Variants in PTPRD observed in about 807,000 individuals in gnomAD.
PTPRD encodes receptor-type tyrosine-protein phosphatase delta.
In PTPRD, 34 loss-of-function variants were observed where a neutral mutation model predicts 214.5. The ratio of observed to expected loss-of-function variants is 0.16; its 90% CI spans 0.12 to 0.21. The LOEUF is 0.21. PTPRD is among the 10% of genes least tolerant of loss of function. PTPRD has a pLI of 1.00. For synonymous variants in PTPRD, 1,128 were observed against 845.7 expected, an observed-to-expected ratio of 1.33 and a Z score of -5.79; for missense variants, 2,545 against 2,398.7, an observed-to-expected ratio of 1.06 and a Z score of -1.27.
chr9:9,877,572 G>T (rs1600629626), intron 5 of PTPRD, among the ~76,000 whole-genome samples: 1 of 152,256 alleles, frequency 6.6e-6, no homozygotes, highest in South Asian at 2.1e-4. Context: ...AATGTTTTCT[G>T]CTCCAAGACT....
At chr9:10,018,359 C>A (rs2096767812) in intron 4 of PTPRD, among the ~76,000 whole-genome samples, 1 of 152,000 alleles carries the variant, frequency 6.6e-6, no homozygotes, top group South Asian at 2.1e-4. Context: ...CAGACTTTCT[C>A]AGTGTATCTG....
At chr9:8,359,921 C>G (rs941456802) in intron 39 of PTPRD, among the ~76,000 whole-genome samples, 1 of 152,146 alleles carries the variant, frequency 6.6e-6, no homozygotes, top group African/African-American at 2.4e-5. Flanking sequence ...CAATTTAACT[C>G]AAGCTTTCCT....
chr9:8,926,178 T>C (rs1409157337), intron 11 of PTPRD, among the ~76,000 whole-genome samples: 2 of 152,062 alleles, frequency 1.3e-5, no homozygotes. Context: ...CTGACTGGAA[T>C]ACCTTTTCAT....
intron 44 of PTPRD, among the ~76,000 whole-genome samples, chr9:8,328,152 G>T (rs113501806): frequency 6.6e-6 from 1 of 152,130 alleles, no homozygotes; most frequent in African/African-American, 2.4e-5. Context: ...GCAGTGGCTG[G>T]TACCAGTTGT....
Position 10,411,420 on chromosome 9 carries a change from C to G in PTPRD, c.-599-70403G>C, listed in dbSNP as rs151015254. ...CTAAGTTCTTATCAATAATGTATAACTGAAACATGTTTAATTTCTCCTTCA... is the reference window on the plus strand; with the variant it reads ...CTAAGTTCTTATCAATAATGTATAAGTGAAACATGTTTAATTTCTCCTTCA... On this transcript the variant is annotated intron_variant, in intron 2 of 45. Transcript: ENST00000381196. 3.1e-3 allele frequency among the ~76,000 whole-genome samples: 476 copies of G among 151,822 alleles called. 4 individuals are homozygous for G. Among genetic ancestry groups the G allele is most frequent in the African/African-American group, 0.011 (451 of 41,486 alleles).
chr9:8,892,603 A>G (rs111769251), intron 11 of PTPRD, among the ~76,000 whole-genome samples: 12,026 of 148,912 alleles, frequency 0.081, 614 homozygotes, highest in Non-Finnish European at 0.11. Flanking sequence ...GTGTATATAT[A>G]TGTGTGTATA....
Position 8,484,232 on chromosome 9 carries a change from C to T in PTPRD, c.3300G>A (p.Thr1100=), listed in dbSNP as rs754865178. 1.1e-4 allele frequency: 182 copies of T among 1,614,094 alleles called. No homozygotes were observed. In the Admixed American group the frequency reaches 1.3e-3, roughly 12 times the overall value. ...GTAATACATCTGGTGCAGTCTTTGC[C>T]GTGACCCTGTGCTGCAGCCCACCAG... ...NSAGGLQHRV[T]AKTAPDVLRT... is the part of the protein sequence containing the mutation. The change falls in exon 30 of 46, where the codon ACG becomes ACA. Residue 1100 remains threonine, a synonymous_variant. Coordinates refer to ENST00000381196, the MANE Select transcript of PTPRD (RefSeq NM_002839.4).
At chr9:10,041,591 G>T (rs2097297827) in intron 3 of PTPRD, among the ~76,000 whole-genome samples, 1 of 151,548 alleles carries the variant, frequency 6.6e-6, no homozygotes, top group African/African-American at 2.4e-5. Flanking sequence ...TTATATTAGA[G>T]ACTTTACTAG....
At chr9:9,785,277 C>G (rs183789980) in intron 5 of PTPRD, among the ~76,000 whole-genome samples, 135 of 152,030 alleles carry the variant, frequency 8.9e-4, no homozygotes, top group African/African-American at 3.0e-3. Context: ...ACCAAAATTA[C>G]TGGGTGAAGC....
intron 2 of PTPRD, among the ~76,000 whole-genome samples, chr9:10,423,065 T>C (rs556165324): frequency 6.6e-6 from 1 of 152,090 alleles, no homozygotes; most frequent in Admixed American, 6.6e-5. Context: ...CAAATGTCCA[T>C]CAATGATAGA....
At chr9:10,453,802 C>T (rs1486729985) in intron 2 of PTPRD, among the ~76,000 whole-genome samples, 2 of 151,184 alleles carry the variant, frequency 1.3e-5, no homozygotes, top group African/African-American at 4.9e-5. Flanking sequence ...TTTGTTCTTG[C>T]CTAATTGTTG....
At chr9:10,444,537 G>A (rs903769510) in intron 2 of PTPRD, among the ~76,000 whole-genome samples, 4 of 151,700 alleles carry the variant, frequency 2.6e-5, no homozygotes, top group South Asian at 2.1e-4. Flanking sequence ...AGCAATCAAG[G>A]AAACACAGTG....
chr9:9,872,240 T>C lies in PTPRD; in HGVS notation c.-368+66267A>G, dbSNP rs74800223. Among the ~76,000 whole-genome samples the C allele has an allele frequency of 5.0e-3, 764 of 152,198 alleles. 21 individuals carry two copies. The highest frequency in any genetic ancestry group is 0.036 in the East Asian group (184 of 5,156). Reference sequence around the variant, plus strand: ...GCTCTGAAGGCAGCCAGCTTGCAAATTGAATTCCAGCCAGAATATATAGGA... The same window carrying C: ...GCTCTGAAGGCAGCCAGCTTGCAAACTGAATTCCAGCCAGAATATATAGGA... On this transcript the variant is annotated intron_variant, in intron 5 of 45. Transcript: ENST00000381196.
At chr9:8,387,514 G>A (rs1230230247) in intron 37 of PTPRD, among the ~76,000 whole-genome samples, 1 of 152,162 alleles carries the variant, frequency 6.6e-6, no homozygotes, top group Non-Finnish European at 1.5e-5. Flanking sequence ...ATGACTGCTT[G>A]TTACCAGCAG....
chr9:8,729,397 A>G (rs1479709105), intron 12 of PTPRD, among the ~76,000 whole-genome samples: 2 of 152,058 alleles, frequency 1.3e-5, no homozygotes, highest in East Asian at 3.9e-4. Flanking sequence ...ACTTGCTACA[A>G]GAAAACCTGG....
At chr9:9,842,501 A>T (rs559649950) in intron 5 of PTPRD, among the ~76,000 whole-genome samples, 3 of 151,920 alleles carry the variant, frequency 2.0e-5, no homozygotes, top group African/African-American at 4.8e-5. Context: ...GAAGAAAGAG[A>T]GTGTGGGAGG....
chr9:9,199,081 G>A (rs2099940361), intron 9 of PTPRD, among the ~76,000 whole-genome samples: 3 of 152,092 alleles, frequency 2.0e-5, no homozygotes, highest in Admixed American at 2.0e-4. Context: ...ATTGAAAGAC[G>A]GCTGAGAGCC....
At chr9:10,602,906 T>TCACTC (rs959634080) in intron 2 of PTPRD, among the ~76,000 whole-genome samples, 99 of 151,914 alleles carry the variant, frequency 6.5e-4, no homozygotes, top group African/African-American at 2.3e-3. Flanking sequence ...ATCCTAAATG[T>TCACTC]CACTCCACTC....
At chr9:9,015,873 C>G (rs1163543243) in intron 11 of PTPRD, among the ~76,000 whole-genome samples, 1 of 152,042 alleles carries the variant, frequency 6.6e-6, no homozygotes, top group Non-Finnish European at 1.5e-5. Context: ...TGACCATAAA[C>G]AGAAAATCAG....
Sources: allele counts gnomAD v4.1 joint callset (sites outside exome capture counted in the v4.1 genomes callset), GRCh38; gene constraint gnomAD v4.1.1; transcripts MANE v1.5; gene names NCBI Gene and HGNC (gene_info 2026-07-23, HGNC 2026-07-21).